Variants in ABCA2 observed in about 807,000 individuals in gnomAD.
ABCA2 encodes the protein ATP binding cassette subfamily A member 2.
A neutral mutation model predicts 262.8 loss-of-function variants in ABCA2; 84 were observed. The observed-to-expected ratio is 0.32, with a 90% confidence interval of 0.27 to 0.38. The LOEUF (loss-of-function observed/expected upper bound fraction) is 0.38, where lower values mean the gene tolerates loss of function less well. Ranked by LOEUF, ABCA2 falls within the 10% of genes least tolerant of loss-of-function variation. The probability of loss-of-function intolerance (pLI) is 1.00; values close to 1 mark genes in which losing one functional copy is unlikely to be tolerated. For missense variants in ABCA2, 2,662 were observed against 3,405.9 expected (o/e 0.78, Z 5.44); for synonymous variants, 1,696 against 1,502.9 (o/e 1.13, Z -2.97).
At chr9:137,013,617 C>A in intron 28 of ABCA2, 54 bp from the exon 29 acceptor site, 4 of 1,529,520 alleles carry the variant, frequency 2.6e-6, no homozygotes, top group Non-Finnish European at 2.7e-6. Context: ...GCCAGCGGCC[C>A]CCAAGCCTCG....
At position 137,021,622 on chromosome 9, in the gene ABCA2, A is replaced by C; in HGVS notation, c.679-12T>G. The C allele has an allele frequency of 6.5e-7, 1 of 1,546,532 alleles. No homozygotes were observed. The highest frequency in any genetic ancestry group is 2.0e-4 in the Middle Eastern group (1 of 5,104). On this transcript the variant is annotated splice_polypyrimidine_tract_variant and intron_variant, in intron 7 of 48. Transcript: ENST00000341511. This position sits in a 1 kb window ranked among gnomAD's most constrained non-coding sequence, Gnocchi z 6.0. ...GCCAGCAGCAGCTCCTGGGATGGGCACAGGGGTCCGTGGAGCCACGGCAAG... is the reference window on the plus strand; with the variant it reads ...GCCAGCAGCAGCTCCTGGGATGGGCCCAGGGGTCCGTGGAGCCACGGCAAG...
chr9:137,018,916 T>C lies in ABCA2; in HGVS notation c.1709A>G (p.Gln570Arg), dbSNP rs1831358511. The change falls in exon 12 of 49, where the codon CAG becomes CGG. Residue 570 changes from glutamine (Q) to arginine (R), a missense_variant. By Grantham distance (43) the Gln-to-Arg change is conservative. Coordinates refer to ENST00000341511, the MANE Select transcript of ABCA2 (RefSeq NM_001606.5). ...TIDNAACGWIQFMSKVSVDIF... is the reference protein window; with the variant it reads ...TIDNAACGWIRFMSKVSVDIF... ...CCCACCGCTCACCTTGGACATGAACTGGATCCAGCCGCAGGCCGCGTTGTC... is the reference window on the plus strand; with the variant it reads ...CCCACCGCTCACCTTGGACATGAACCGGATCCAGCCGCAGGCCGCGTTGTC... 6.2e-7 allele frequency: 1 copy of C among 1,612,382 alleles called. No homozygotes were observed. The highest frequency in any genetic ancestry group is 1.1e-5 in the South Asian group (1 of 91,078).
rs1164007410 is a variant in ABCA2, at chr9:137,008,424, C to T, written c.7267G>A (p.Glu2423Lys). The T allele has an allele frequency of 6.4e-7, 1 of 1,550,820 alleles. No homozygotes were observed. Among genetic ancestry groups the T allele is most frequent in the Admixed American group, 2.0e-5 (1 of 51,090 alleles). The change falls in exon 48 of 49, where the codon GAG (glutamate) becomes AAG (lysine). Residue 2423 changes from glutamate to lysine, a missense_variant. By Grantham distance (56) the Glu-to-Lys change is moderately conservative. Around this residue, in one of 12 missense-constraint regions of ABCA2, gnomAD observed 212 missense variants for 214.4 expected, o/e 0.99. Coordinates refer to ENST00000341511, the MANE Select transcript of ABCA2 (RefSeq NM_001606.5). ...GAGAGCAGCCTGCTCACCCGCTCCTCCTCGAAGCTGATGAGGCCCTCGTCC... is the reference window on the plus strand; with the variant it reads ...GAGAGCAGCCTGCTCACCCGCTCCTTCTCGAAGCTGATGAGGCCCTCGTCC... Reference protein sequence around the residue: ...TEDEGLISFEEERAQLSFNTD... With the variant: ...TEDEGLISFEKERAQLSFNTD...
rs745512312 is a variant in ABCA2, at chr9:137,020,772, G to A, written c.1187C>T (p.Pro396Leu). Reference protein sequence around the residue: ...GAPSAAALATPDTLQGQCSAF... With the variant: ...GAPSAAALATLDTLQGQCSAF... The stretch of plus-strand genomic sequence containing the variant: ...TGAGCACTGGCCCTGCAGCGTGTCC[G>A]GGGTGGCCAGTGCTGCAGCAGAGGG... The change falls in exon 9 of 49, where the codon CCG becomes CTG. Residue 396 changes from proline (P) to leucine (L), a missense_variant. Around this residue, in one of 12 missense-constraint regions of ABCA2, gnomAD observed 403 missense variants for 375.9 expected, o/e 1.07. Coordinates refer to ENST00000341511, the MANE Select transcript of ABCA2 (RefSeq NM_001606.5). The A allele has an allele frequency of 4.0e-5, 64 of 1,595,414 alleles. No individual in the cohort carries two copies. Among genetic ancestry groups the A allele is most frequent in the Non-Finnish European group, 4.9e-5 (58 of 1,173,972 alleles).
chr9:137,015,522 G>T lies in ABCA2; in HGVS notation c.3589C>A (p.His1197Asn), dbSNP rs1409278562. Reference sequence around the variant, plus strand: ...GAGCCGCAGCACTTGAGCTTCCCATGGGAGATGATGGCAATGCGGTCCCCA... The same window carrying T: ...GAGCCGCAGCACTTGAGCTTCCCATTGGAGATGATGGCAATGCGGTCCCCA... ...LLGDRIAIIS[H>N]GKLKCCGSPL... The change falls in exon 24 of 49, where the codon CAT (histidine) becomes AAT (asparagine). Residue 1197 changes from histidine to asparagine, a missense_variant. This residue lies in a region of ABCA2 where 180 missense variants were observed against 307.3 expected (regional missense o/e 0.59). Transcript: ENST00000341511. The T allele has an allele frequency of 1.9e-6, 3 of 1,612,408 alleles. No individual in the cohort carries two copies. The highest frequency in any genetic ancestry group is 1.1e-5 in the South Asian group (1 of 91,070).
At chr9:137,018,603 AG>A in intron 13 of ABCA2, 115 bp downstream of exon 13, 2 of 520,866 alleles carry the variant, frequency 3.8e-6, no homozygotes, top group Admixed American at 3.2e-5. Flanking sequence ...GTGGCGGGTG[AG>A]GGGGGAAGGC....
rs561889711 is a variant in ABCA2 at position 137,013,383 on chromosome 9, G to A, written c.4551-65C>T. On this transcript the variant is annotated intron_variant, in intron 29 of 48. Coordinates refer to ENST00000341511, the MANE Select transcript of ABCA2 (RefSeq NM_001606.5). ...CGCCCCTCGCCAGCCCCGCCCCCTC[G>A]CCCGCCTGGCCCACCAAGGCTGTCC... 338 of 1,433,590 alleles carry A rather than the reference G, an allele frequency of 2.4e-4. No individual in the cohort carries two copies. In the African/African-American group the frequency reaches 3.8e-3, roughly 16 times the overall value. 88.8% of individuals were successfully genotyped at this position (1,433,590 alleles called of 1,614,324 possible).
chr9:137,019,354 C>A lies in ABCA2; in HGVS notation c.1426-48G>T. 1 of 1,597,876 alleles carries A rather than the reference C, an allele frequency of 6.3e-7. No homozygotes were observed. Among genetic ancestry groups the A allele is most frequent in the Non-Finnish European group, 8.5e-7 (1 of 1,170,178 alleles). On this transcript the variant is annotated intron_variant, in intron 10 of 48. Coordinates refer to ENST00000341511, the MANE Select transcript of ABCA2 (RefSeq NM_001606.5). The surrounding 1 kb of genome is among the most constrained non-coding windows in gnomAD (Gnocchi z 4.4). Reference sequence around the variant, plus strand: ...ATGGAGTTTCTGGACGGACCCCCACCGACTTGGGGGCTCTCACCCCACTCA... The same window carrying A: ...ATGGAGTTTCTGGACGGACCCCCACAGACTTGGGGGCTCTCACCCCACTCA...
chr9:137,023,424 A>G (rs1048855597), intron 3 of ABCA2: 1 of 708,706 alleles, frequency 1.4e-6, no homozygotes, highest in Non-Finnish European at 2.6e-6. Context: ...CCCTCTGGGC[A>G]GTGACCTCTG....
chr9:137,008,352 A>G, intron 48 of ABCA2, 64 bp downstream of exon 48: 2 of 1,533,678 alleles, frequency 1.3e-6, no homozygotes, highest in Non-Finnish European at 1.8e-6. Flanking sequence ...CCGCGGCTGG[A>G]GCCACCAGGC....
In ABCA2 at chr9:137,014,330, G is replaced by C; in HGVS notation, c.4078C>G (p.Leu1360Val). 1 of 1,608,518 alleles carries C rather than the reference G, an allele frequency of 6.2e-7. No individual in the cohort carries two copies. Among genetic ancestry groups the C allele is most frequent in the Middle Eastern group, 1.7e-4 (1 of 6,044 alleles). The change falls in exon 27 of 49, where the codon CTG becomes GTG. Residue 1360 changes from leucine (L) to valine (V), a missense_variant. Coordinates refer to ENST00000341511, the MANE Select transcript of ABCA2 (RefSeq NM_001606.5). ...TGGGTCAGCTCCGAGCACCGGGCCA[G>C]ATTGCCAGCGTGACCCTCCCCAGAC... The part of the protein sequence containing the change: ...PASGEGHAGN[L>V]ARCSELTQSQ...
chr9:137,014,113 C>A, intron 27 of ABCA2, 55 bp downstream of exon 27: 2 of 1,591,010 alleles, frequency 1.3e-6, no homozygotes, highest in African/African-American at 2.7e-5. Flanking sequence ...ATGCCGCTCC[C>A]CCGCAACCCT....
rs747473506 is a variant in ABCA2, at chr9:137,012,702, C to T, written c.5081+10G>A. The T allele has an allele frequency of 6.8e-6, 11 of 1,611,998 alleles. No homozygotes were observed. Among genetic ancestry groups the T allele is most frequent in the East Asian group, 2.2e-5 (1 of 44,868 alleles). Reference sequence around the variant, plus strand: ...GCCACCCTCACCCACAGCCTCCCCACCCAGCTCACCGGTGCAGTCGGAAGC... The same window carrying T: ...GCCACCCTCACCCACAGCCTCCCCATCCAGCTCACCGGTGCAGTCGGAAGC... On this transcript the variant is annotated intron_variant, in intron 31 of 48. Transcript: ENST00000341511.
Position 137,007,973 on chromosome 9 carries a change from A to G in ABCA2, c.7276-9T>C, listed in dbSNP as rs1165242811. On this transcript the variant is annotated splice_polypyrimidine_tract_variant and intron_variant, in intron 48 of 48. Transcript: ENST00000341511. ...TTGAAGGACAGCTGGGCCTGTGCAC[A>G]GGGGAGGTCAGGCTTATGGGGCATC... 3.7e-6 allele frequency: 6 copies of G among 1,602,968 alleles called. No individual in the cohort carries two copies. Among genetic ancestry groups the G allele is most frequent in the Non-Finnish European group, 5.1e-6 (6 of 1,179,230 alleles).
At chr9:137,008,226 A>C in intron 48 of ABCA2, 190 bp downstream of exon 48, 1 of 827,818 alleles carries the variant, frequency 1.2e-6, no homozygotes, top group Non-Finnish European at 2.0e-6. Context: ...GACTCTAGCA[A>C]GTCTGGACCA....
In ABCA2 at chr9:137,028,042, C is replaced by G; in HGVS notation, c.66+33G>C. ...CCTCTGGCCGCGGTGCGCGCGGCCT[C>G]GGGCTGAGGGCGGGCGCGTGGGGTG... On this transcript the variant is annotated intron_variant, in intron 1 of 48. Coordinates refer to ENST00000341511, the MANE Select transcript of ABCA2 (RefSeq NM_001606.5). This position sits in a 1 kb window ranked among gnomAD's most constrained non-coding sequence, Gnocchi z 6.9. 1.0e-6 allele frequency: 1 copy of G among 976,078 alleles called. No individual in the cohort carries two copies. The highest frequency in any genetic ancestry group is 4.5e-5 in the South Asian group (1 of 22,010). 60.5% of individuals were successfully genotyped at this position (976,078 alleles called of 1,614,324 possible). A position where few individuals can be genotyped will look rare whatever the true frequency, so the allele number is the denominator to read the frequency against.
Position 137,015,826 on chromosome 9 carries a change from C to T in ABCA2, c.3363G>A (p.Val1121=). 1 of 1,611,982 alleles carries T rather than the reference C, an allele frequency of 6.2e-7. No homozygotes were observed. The highest frequency in any genetic ancestry group is 1.3e-5 in the African/African-American group (1 of 75,056). ...LELSNKRHSL[V]QTLSGGMKRK... ...GCTTCATGCCACCCGACAATGTCTG[C>T]ACCAGTGAGTGCCGTTTGTTGGAGA... is the stretch of plus-strand genomic sequence containing the variant. Residue 1121 remains valine (V), a synonymous_variant, in exon 23 of 49, where the codon GTG becomes GTA. Transcript: ENST00000341511.
Position 137,010,366 on chromosome 9 carries a change from G to A in ABCA2, c.6180C>T (p.Tyr2060=). Residue 2060 remains tyrosine (Y), a synonymous_variant, in exon 41 of 49, where the codon TAC becomes TAT. Coordinates refer to ENST00000341511, the MANE Select transcript of ABCA2 (RefSeq NM_001606.5). ...MVKIENLTKV[Y]KSRKIGRILA... The stretch of plus-strand genomic sequence containing the variant: ...GGATACGGCCAATCTTCCGGGACTT[G>A]TAGACCTGGCCAGGAGCCTGCCCAC... 6 of 1,568,664 alleles carry A rather than the reference G, an allele frequency of 3.8e-6. No individual in the cohort carries two copies. The highest frequency in any genetic ancestry group is 4.3e-6 in the Non-Finnish European group (5 of 1,157,352).
intron 39 of ABCA2, 39 bp from the exon 40 acceptor site, chr9:137,010,776 C>T: frequency 6.4e-7 from 1 of 1,573,178 alleles, no homozygotes; most frequent in Non-Finnish European, 8.7e-7. Flanking sequence ...CAGCTCGCCA[C>T]CCCCACTGCC....
Sources: gnomAD v4.1 joint callset for allele counts on GRCh38, gnomAD v4.1.1 for gene constraint, gnomAD v4.1.1 regional missense constraint, Gnocchi (gnomAD v3.1) non-coding constraint, MANE v1.5 for transcripts, NCBI Gene and HGNC (gene_info 2026-07-23, HGNC 2026-07-21) for gene names.